The following NACC2 variants were observed in gnomAD, a reference collection of about 807,000 sequenced individuals.
NACC2 encodes the protein NACC family member 2.
NACC2 carries 8 observed loss-of-function variants against 25.1 expected under a neutral mutation model. The ratio of observed to expected loss-of-function variants is 0.32; its 90% CI spans 0.19 to 0.57. NACC2 has a LOEUF of 0.57. Among genes scored for constraint, NACC2 ranks in the 20% least tolerant of loss-of-function variants. NACC2 has a pLI of 0.89. For synonymous variants in NACC2, 435 were observed against 294.7 expected, an observed-to-expected ratio of 1.48 and a Z score of -4.88; for missense variants, 644 against 650.2, an observed-to-expected ratio of 0.99 and a Z score of 0.10.
At chr9:136,037,476 A>G (rs1275821020) in intron 2 of NACC2, among the ~76,000 whole-genome samples, 2 of 150,904 alleles carry the variant, frequency 1.3e-5, no homozygotes, top group African/African-American at 4.9e-5. Flanking sequence ...TGCCATGAAC[A>G]TGTGCATATG....
intron 2 of NACC2, among the ~76,000 whole-genome samples, chr9:136,034,079 G>A (rs1840516875): frequency 6.6e-6 from 1 of 152,112 alleles, no homozygotes; most frequent in African/African-American, 2.4e-5. Flanking sequence ...TTAAAAACAT[G>A]TACTGCCATA....
intron 2 of NACC2, among the ~76,000 whole-genome samples, chr9:136,024,268 G>GGTGC (rs1554736529): frequency 1.2e-5 from 1 of 83,732 alleles, no homozygotes; most frequent in Non-Finnish European, 2.3e-5. Context: ...GAGGACAGAG[G>GGTGC]GTGTGTGTGA....
intron 1 of NACC2, among the ~76,000 whole-genome samples, chr9:136,073,868 T>TG (rs1830227155): frequency 1.3e-5 from 2 of 152,206 alleles, no homozygotes. Context: ...TGCCTGGTCT[T>TG]GGAGTATCTG....
At chr9:136,029,059 T>C (rs1588562793) in intron 2 of NACC2, among the ~76,000 whole-genome samples, 2 of 151,878 alleles carry the variant, frequency 1.3e-5, no homozygotes, top group South Asian at 4.2e-4. Context: ...TGGAAAGGGG[T>C]GGGTCCTGGT....
rs151219465 is a variant in NACC2, at chr9:136,013,544, C to T, written c.1158-248G>A. Among the ~76,000 whole-genome samples, 1,569 of 152,286 alleles carry T rather than the reference C, an allele frequency of 0.01. 12 individuals carry two copies. Among genetic ancestry groups the T allele is most frequent in the Non-Finnish European group, 0.017 (1,124 of 68,014 alleles). On this transcript the variant is annotated intron_variant, in intron 4 of 5. Transcript: ENST00000277554. The surrounding 1 kb of genome is among the most constrained non-coding windows in gnomAD (Gnocchi z 6.6). ...ACCTGAGCCTTGTCCTCAGGGACTC[C>T]GGGGACGTCTGAGGAAGCCGCTGTG...
At chr9:136,088,255 C>T (rs796399142) in intron 1 of NACC2, among the ~76,000 whole-genome samples, 12 of 152,314 alleles carry the variant, frequency 7.9e-5, no homozygotes, top group African/African-American at 2.9e-4. Flanking sequence ...AATCTGGGAA[C>T]TGTACCACTG....
intron 2 of NACC2, among the ~76,000 whole-genome samples, chr9:136,038,921 G>T (rs975307732): frequency 7.2e-5 from 11 of 152,186 alleles, no homozygotes; most frequent in Non-Finnish European, 2.9e-5. Context: ...AGAGAAACAT[G>T]CAGGGAAGGA....
At chr9:136,053,188 C>T (rs1285315522) in intron 1 of NACC2, among the ~76,000 whole-genome samples, 3 of 152,248 alleles carry the variant, frequency 2.0e-5, no homozygotes, top group Admixed American at 6.5e-5. Flanking sequence ...TCACTCCCGG[C>T]GCCCCTCTGA....
chr9:136,030,100 C>T lies in NACC2; in HGVS notation c.887-13671G>A, dbSNP rs564081584. On this transcript the variant is annotated intron_variant, in intron 2 of 5. Transcript: ENST00000277554. ...ATGATAGCCAGGCTGGTCTTGAACT[C>T]CTGACCTCAAGTGAGCCACCCGCCT... Among the ~76,000 whole-genome samples the T allele has an allele frequency of 3.3e-5, 5 of 152,306 alleles. No individual in the cohort carries two copies. In the South Asian group the frequency reaches 1.0e-3, roughly 32 times the overall value.
At chr9:136,030,720 G>C (rs1377576681) in intron 2 of NACC2, among the ~76,000 whole-genome samples, 2 of 152,122 alleles carry the variant, frequency 1.3e-5, no homozygotes, top group African/African-American at 2.4e-5. Flanking sequence ...GGAGTGCAGT[G>C]GTGTCATCTC....
At chr9:136,047,553 C>T (rs1167328716) in intron 2 of NACC2, among the ~76,000 whole-genome samples, 13 of 152,188 alleles carry the variant, frequency 8.5e-5, no homozygotes, top group African/African-American at 2.4e-4. Context: ...GAGAATGCCG[C>T]GCAGCACCTG....
intron 1 of NACC2, among the ~76,000 whole-genome samples, chr9:136,068,904 G>C (rs891163900): frequency 2.7e-5 from 4 of 146,012 alleles, no homozygotes; most frequent in African/African-American, 1.0e-4. Flanking sequence ...TTAAAAGACA[G>C]AGATTGAAAG....
chr9:136,030,123 C>T (rs2131146634), intron 2 of NACC2, among the ~76,000 whole-genome samples: 1 of 152,302 alleles, frequency 6.6e-6, no homozygotes. Flanking sequence ...GAGCCACCCG[C>T]CTCAGCTTCC....
chr9:136,075,755 C>A (rs7037873), intron 1 of NACC2, among the ~76,000 whole-genome samples: 85,258 of 152,122 alleles, frequency 0.56, 24,861 homozygotes, highest in South Asian at 0.67. Flanking sequence ...ACCCAACACC[C>A]ACAGGCCCTG....
At chr9:136,093,505 G>GCCAGCA (rs996334333) in intron 1 of NACC2, among the ~76,000 whole-genome samples, 3 of 152,322 alleles carry the variant, frequency 2.0e-5, no homozygotes, top group African/African-American at 7.2e-5. Context: ...CCAGGCCAGG[G>GCCAGCA]CCAGCACCAT....
chr9:136,017,959 T>G (rs1840227644), intron 2 of NACC2, among the ~76,000 whole-genome samples: 1 of 152,156 alleles, frequency 6.6e-6, no homozygotes, highest in East Asian at 1.9e-4. Flanking sequence ...GGACCTTGCT[T>G]GCCGAGGGCA....
chr9:136,038,661 T>TA (rs1840589164), intron 2 of NACC2, among the ~76,000 whole-genome samples: 1 of 152,232 alleles, frequency 6.6e-6, no homozygotes, highest in East Asian at 1.9e-4. Context: ...TGGTAAAAAT[T>TA]ACTTCTTCAT....
chr9:136,052,885 G>A (rs889327951), intron 1 of NACC2, among the ~76,000 whole-genome samples: 5 of 152,344 alleles, frequency 3.3e-5, no homozygotes, highest in East Asian at 1.9e-4. Context: ...TGGTGGCCCC[G>A]GGACCCCTCC....
chr9:136,047,705 C>T (rs1004574360), intron 2 of NACC2, among the ~76,000 whole-genome samples: 1,849 of 152,276 alleles, frequency 0.012, 23 homozygotes, highest in Non-Finnish European at 0.019. Flanking sequence ...CGTCCCCACC[C>T]AACACACATC....
Sources: allele counts gnomAD v4.1 joint callset (sites outside exome capture counted in the v4.1 genomes callset), GRCh38; gene constraint gnomAD v4.1.1; non-coding constraint Gnocchi (gnomAD v3.1); transcripts MANE v1.5; gene names NCBI Gene and HGNC (gene_info 2026-07-23, HGNC 2026-07-21).